ARHGEF10L: variants seen among roughly 807,000 people sequenced by gnomAD.
ARHGEF10L encodes the protein rho guanine nucleotide exchange factor 10-like protein.
In ARHGEF10L, 69 loss-of-function variants were observed where a neutral mutation model predicts 141.2. The observed-to-expected ratio is 0.49, with a 90% CI of 0.40 to 0.60. The LOEUF (loss-of-function observed/expected upper bound fraction) is 0.60. Ranked by LOEUF, ARHGEF10L falls within the 20% of genes least tolerant of loss-of-function variation. ARHGEF10L has a pLI of 0.00. For synonymous variants in ARHGEF10L, 711 were observed against 718.5 expected (o/e 0.99, Z 0.17); for missense variants, 1,482 against 1,734.3 (o/e 0.85, Z 2.58).
chr1:17,583,660 C>T (rs1038178182), intron 2 of ARHGEF10L, among the ~76,000 whole-genome samples: 1 of 152,042 alleles, frequency 6.6e-6, no homozygotes, highest in South Asian at 2.1e-4. Flanking sequence ...GACTCTAGAA[C>T]CTTAGTCACT....
intron 26 of ARHGEF10L, among the ~76,000 whole-genome samples, chr1:17,671,024 G>T (rs897642043): frequency 1.3e-5 from 2 of 152,256 alleles, no homozygotes; most frequent in African/African-American, 4.8e-5. Context: ...TGCCTTCAGA[G>T]TGTTGGTCAC....
intron 27 of ARHGEF10L, among the ~76,000 whole-genome samples, chr1:17,690,615 G>C (rs1245135281): frequency 6.6e-6 from 1 of 152,244 alleles, no homozygotes; most frequent in Admixed American, 6.5e-5. Context: ...CCTGGAGAAG[G>C]CTGGATGTAG....
At chr1:17,687,811 G>A (rs1412240945) in intron 27 of ARHGEF10L, 64 bp downstream of exon 27, 3 of 1,488,416 alleles carry the variant, frequency 2.0e-6, no homozygotes, top group Non-Finnish European at 2.7e-6. Context: ...CCAGGTAGTG[G>A]TGTGACCTGG....
intron 1 of ARHGEF10L, among the ~76,000 whole-genome samples, chr1:17,567,298 G>C (rs775037901): frequency 9.2e-5 from 14 of 152,232 alleles, no homozygotes; most frequent in Non-Finnish European, 1.9e-4. Flanking sequence ...CCTGTGTCAA[G>C]TGACATTGGG....
chr1:17,688,513 GAC>G (rs2102515443), intron 27 of ARHGEF10L, among the ~76,000 whole-genome samples: 1 of 152,368 alleles, frequency 6.6e-6, no homozygotes, highest in East Asian at 1.9e-4. Context: ...CCCCCAGAGA[GAC>G]TGACCTGCGG....
chr1:17,655,828 G>C (rs2062206054), intron 23 of ARHGEF10L, 51 bp from the exon 24 acceptor site: 3 of 1,510,310 alleles, frequency 2.0e-6, no homozygotes, highest in East Asian at 4.9e-5. Flanking sequence ...GTCCTCCTCT[G>C]CTCCCTCCTG....
In ARHGEF10L at chr1:17,621,604, C is replaced by A. The variant is rs771367242; in HGVS notation, c.943-260C>A. 1.3e-5 allele frequency among the ~76,000 whole-genome samples: 2 copies of A among 152,178 alleles called. No individual in the cohort carries two copies. Among genetic ancestry groups the A allele is most frequent in the Non-Finnish European group, 2.9e-5 (2 of 68,030 alleles). On this transcript the variant is annotated intron_variant, in intron 10 of 28. Coordinates refer to ENST00000361221, the MANE Select transcript of ARHGEF10L (RefSeq NM_018125.4). This position sits in a 1 kb window ranked among gnomAD's most constrained non-coding sequence, Gnocchi z 4.1. ...CACCATGGAGGAGCGTGGTGATTAC[C>A]CCATCCCCAGATGTATGTGCACAGA... is the stretch of plus-strand genomic sequence containing the variant.
intron 16 of ARHGEF10L, among the ~76,000 whole-genome samples, chr1:17,633,642 G>T (rs372360385): frequency 6.6e-6 from 1 of 152,082 alleles, no homozygotes; most frequent in African/African-American, 2.4e-5. Flanking sequence ...GTAAGCCACC[G>T]TGCCCCACCT....
At chr1:17,548,786 T>C (rs1443363585) in intron 1 of ARHGEF10L, among the ~76,000 whole-genome samples, 1 of 149,954 alleles carries the variant, frequency 6.7e-6, no homozygotes, top group Non-Finnish European at 1.5e-5. Context: ...GTAGATGGGA[T>C]TACAGGTGCG....
intron 28 of ARHGEF10L, among the ~76,000 whole-genome samples, chr1:17,695,559 G>A (rs1348952240): frequency 1.3e-5 from 2 of 152,230 alleles, no homozygotes; most frequent in East Asian, 3.8e-4. Context: ...GGCTCCACTG[G>A]CCCTTTCTGC....
chr1:17,544,684 T>G (rs2076853651), intron 1 of ARHGEF10L, among the ~76,000 whole-genome samples: 1 of 152,248 alleles, frequency 6.6e-6, no homozygotes, highest in African/African-American at 2.4e-5. Context: ...GGTTATTTGC[T>G]GCTTTGTGTG....
intron 27 of ARHGEF10L, among the ~76,000 whole-genome samples, chr1:17,690,617 TG>T (rs1266814277): frequency 3.9e-5 from 6 of 152,250 alleles, no homozygotes; most frequent in African/African-American, 1.4e-4. Flanking sequence ...TGGAGAAGGC[TG>T]GATGTAGGCC....
At chr1:17,650,069 T>G (rs2061826922) in intron 22 of ARHGEF10L, among the ~76,000 whole-genome samples, 1 of 152,106 alleles carries the variant, frequency 6.6e-6, no homozygotes, top group Non-Finnish European at 1.5e-5. Flanking sequence ...ATAGTTCGCA[T>G]TTTTTGGATC....
chr1:17,640,174 A>G, intron 20 of ARHGEF10L, 28 bp from the exon 21 acceptor site: 1 of 1,599,516 alleles, frequency 6.3e-7, no homozygotes, highest in Non-Finnish European at 8.5e-7. Context: ...GGGTACTCAC[A>G]CATCCACTCT....
intron 9 of ARHGEF10L, among the ~76,000 whole-genome samples, chr1:17,616,608 G>A (rs934222625): frequency 1.3e-5 from 2 of 152,212 alleles, no homozygotes; most frequent in African/African-American, 4.8e-5. Flanking sequence ...CACAGCCTGT[G>A]CTGCATGCAG....
chr1:17,612,257 C>A lies in ARHGEF10L; in HGVS notation c.610-801C>A, dbSNP rs1159235206. On this transcript the variant is annotated intron_variant, in intron 7 of 28. Coordinates refer to ENST00000361221, the MANE Select transcript of ARHGEF10L (RefSeq NM_018125.4). ...ACCATGGAAATGCTTCAAAGCAGGGCCCTTTTTCCTGCAGAACTGGTTGTT... is the reference window on the plus strand; with the variant it reads ...ACCATGGAAATGCTTCAAAGCAGGGACCTTTTTCCTGCAGAACTGGTTGTT... Among the ~76,000 whole-genome samples the A allele has an allele frequency of 4.6e-5, 7 of 152,094 alleles. No individual in the cohort carries two copies. The South Asian group carries it at 1.0e-3, about 23-fold the overall frequency.
chr1:17,624,075 C>T (rs765015349), intron 12 of ARHGEF10L, among the ~76,000 whole-genome samples: 1 of 152,200 alleles, frequency 6.6e-6, no homozygotes, highest in Non-Finnish European at 1.5e-5. Context: ...CTTCTCCTCC[C>T]TCCACCTGTG....
At chr1:17,680,450 T>C (rs2064032696) in intron 26 of ARHGEF10L, among the ~76,000 whole-genome samples, 1 of 152,182 alleles carries the variant, frequency 6.6e-6, no homozygotes, top group Admixed American at 6.5e-5. Context: ...TCAGCACTAT[T>C]TGGAGCAGTA....
At position 17,632,321 on chromosome 1, in the gene ARHGEF10L, C is replaced by A. The variant is rs1284268313; in HGVS notation, c.1585C>A (p.Leu529Met). 1 of 1,613,964 alleles carries A rather than the reference C, an allele frequency of 6.2e-7. No individual in the cohort carries two copies. Among genetic ancestry groups the A allele is most frequent in the East Asian group, 2.2e-5 (1 of 44,868 alleles). The stretch of plus-strand genomic sequence containing the variant: ...CTGACCTTCCCTGCCCCTCCTCCAG[C>A]TGTTGACCTCAGGCCAGCGGCAGCT... The part of the protein sequence containing the change: ...SVSDRSSLNK[L>M]LTSGQRQLLL... Residue 529 changes from leucine to methionine, a missense_variant and splice_region_variant, in exon 16 of 29, where the codon CTG (leucine) becomes ATG (methionine). Coordinates refer to ENST00000361221, the MANE Select transcript of ARHGEF10L (RefSeq NM_018125.4).
Sources: gnomAD v4.1 joint callset for allele counts (sites outside exome capture counted in the v4.1 genomes callset) on GRCh38, gnomAD v4.1.1 for gene constraint, Gnocchi (gnomAD v3.1) non-coding constraint, MANE v1.5 for transcripts, NCBI Gene and HGNC (gene_info 2026-07-23, HGNC 2026-07-21) for gene names.